The following GRID2 variants were observed in gnomAD, a reference collection of about 807,000 sequenced individuals.
The protein encoded by GRID2 is glutamate receptor ionotropic, delta-2.
GRID2 carries 33 observed loss-of-function variants against 114.8 expected under a neutral mutation model. That is an observed-to-expected ratio of 0.29 (90% CI 0.22 to 0.38). The LOEUF is 0.38. Ranked by LOEUF, GRID2 falls within the 10% of genes least tolerant of loss-of-function variation. The probability of loss-of-function intolerance (pLI) is 1.00; values close to 1 mark genes in which losing one functional copy is unlikely to be tolerated. For synonymous variants in GRID2, 505 were observed against 449.9 expected (o/e 1.12, Z -1.55); for missense variants, 1,184 against 1,257.7 (o/e 0.94, Z 0.89).
chr4:92,710,560 C>T (rs570450894), intron 2 of GRID2, among the ~76,000 whole-genome samples: 112 of 152,262 alleles, frequency 7.4e-4, no homozygotes, highest in African/African-American at 2.5e-3. Context: ...GTCCTGGTGA[C>T]GACTACACTT....
intron 13 of GRID2, among the ~76,000 whole-genome samples, chr4:93,594,783 A>G (rs1738875430): frequency 6.6e-6 from 1 of 151,930 alleles, no homozygotes; most frequent in Non-Finnish European, 1.5e-5. Flanking sequence ...CCGTCGGAAA[A>G]GCGCAGTATT....
intron 13 of GRID2, among the ~76,000 whole-genome samples, chr4:93,524,823 G>GTATATATATA (rs1300787035): frequency 1.2e-4 from 7 of 59,908 alleles, no homozygotes; most frequent in Non-Finnish European, 1.8e-4. Flanking sequence ...ATGTATGTAT[G>GTATATATATA]TATATATATA....
chr4:93,127,436 CTAAT>C (rs1157873482), intron 4 of GRID2, among the ~76,000 whole-genome samples: 1 of 152,106 alleles, frequency 6.6e-6, no homozygotes, highest in African/African-American at 2.4e-5. Flanking sequence ...AGAAGCATAA[CTAAT>C]TGACAGCAAG....
Position 93,422,297 on chromosome 4 carries a change from ATAT to A in GRID2, c.1348-468_1348-466del, listed in dbSNP as rs1256341625. On this transcript the variant is annotated intron_variant, in intron 9 of 15. Transcript: ENST00000282020. ...TAGTGAATAACTCCCAGTAAATGCG[ATAT>A]TATTAATTTCAGCTAAATTATATGT... Among the ~76,000 whole-genome samples, 9 of 152,126 alleles carry A rather than the reference ATAT, an allele frequency of 5.9e-5. No homozygotes were observed. The South Asian group carries it at 1.0e-3, about 17-fold the overall frequency.
intron 1 of GRID2, among the ~76,000 whole-genome samples, chr4:92,401,593 CTATACTGTATGTCTACAA>C (rs1201013822): frequency 6.6e-6 from 1 of 152,148 alleles, no homozygotes; most frequent in African/African-American, 2.4e-5. Context: ...TATGTCTACA[CTATACTGTATGTCTACAA>C]TATACTGTAG....
intron 14 of GRID2, among the ~76,000 whole-genome samples, chr4:93,645,270 G>T (rs1722006294): frequency 6.6e-6 from 1 of 152,152 alleles, no homozygotes; most frequent in African/African-American, 2.4e-5. Context: ...TAACAAAAGA[G>T]AAGCCAGAAG....
At chr4:93,111,015 C>A in intron 4 of GRID2, 62 bp downstream of exon 4, 1 of 1,012,716 alleles carries the variant, frequency 9.9e-7, no homozygotes, top group Non-Finnish European at 1.5e-6. Context: ...TGGAATAGAC[C>A]CTACAGAGGA....
rs1375909572 is a variant in GRID2, at chr4:92,328,074, T to TTCATTTGAA, written c.88+23330_88+23331insTCATTTGAA. ...TGCTCATTCATTTGAAAAGGGGCTA[T>TTCATTTGAA]ATAAGATAGAGACAGGGAGAAATGT... On this transcript the variant is annotated intron_variant, in intron 1 of 15. Transcript: ENST00000282020. Among the ~76,000 whole-genome samples, 93 of 152,188 alleles carry TTCATTTGAA rather than the reference T, an allele frequency of 6.1e-4. No individual in the cohort carries two copies. In the Middle Eastern group the frequency reaches 0.01, roughly 17 times the overall value.
At chr4:92,348,491 T>C (rs1303455099) in intron 1 of GRID2, among the ~76,000 whole-genome samples, 1 of 152,170 alleles carries the variant, frequency 6.6e-6, no homozygotes, top group Non-Finnish European at 1.5e-5. Context: ...CTGAGGCATG[T>C]TTGAATTTAT....
chr4:92,873,631 C>T (rs529236558), intron 2 of GRID2, among the ~76,000 whole-genome samples: 1 of 152,164 alleles, frequency 6.6e-6, no homozygotes, highest in South Asian at 2.1e-4. Flanking sequence ...GATTTCCTAT[C>T]CATAAAAGAG....
chr4:92,699,085 A>C (rs1044897984), intron 2 of GRID2, among the ~76,000 whole-genome samples: 2 of 152,116 alleles, frequency 1.3e-5, no homozygotes, highest in African/African-American at 4.8e-5. Context: ...AAGAAAAAAA[A>C]CAGTAATTTC....
chr4:93,789,378 T>C (rs1280866539), intron 1 of GRID2, among the ~76,000 whole-genome samples: 1 of 152,214 alleles, frequency 6.6e-6, no homozygotes, highest in African/African-American at 2.4e-5. Flanking sequence ...CAGTTACTAA[T>C]TAGGTGTTTT....
intron 1 of GRID2, among the ~76,000 whole-genome samples, chr4:92,420,546 AT>A (rs1731852784): frequency 6.6e-6 from 1 of 152,118 alleles, no homozygotes; most frequent in Non-Finnish European, 1.5e-5. Context: ...TTCATATTTG[AT>A]TTGTCTTCTC....
chr4:93,588,266 A>G (rs542919442), intron 13 of GRID2, among the ~76,000 whole-genome samples: 2 of 152,142 alleles, frequency 1.3e-5, no homozygotes, highest in Non-Finnish European at 2.9e-5. Flanking sequence ...TTTTAAATGA[A>G]TAAGCTAAAG....
At chr4:92,482,553 A>G (rs1253361282) in intron 1 of GRID2, among the ~76,000 whole-genome samples, 1 of 152,184 alleles carries the variant, frequency 6.6e-6, no homozygotes. Context: ...ATTTGACTCC[A>G]TTTAGTTATG....
chr4:92,796,468 G>A (rs1183763061), intron 2 of GRID2, among the ~76,000 whole-genome samples: 1 of 151,896 alleles, frequency 6.6e-6, no homozygotes, highest in Non-Finnish European at 1.5e-5. Flanking sequence ...AAGGCTTGGG[G>A]ATTAGTAGCT....
chr4:92,975,043 GC>G (rs2149177708), intron 2 of GRID2, among the ~76,000 whole-genome samples: 1 of 151,482 alleles, frequency 6.6e-6, no homozygotes, highest in East Asian at 2.0e-4. Flanking sequence ...TGCAGTCCCA[GC>G]TCCTAGGGAG....
Position 93,089,050 on chromosome 4 carries a change from T to C in GRID2, c.529+3771T>C, listed in dbSNP as rs932347776. Among the ~76,000 whole-genome samples the C allele has an allele frequency of 1.2e-4, 19 of 152,114 alleles. 1 individual carries two copies. Among genetic ancestry groups the C allele is most frequent in the Non-Finnish European group, 2.8e-4 (19 of 68,016 alleles). ...TCATAATAGCCCTTTGTAGTAGTTA[T>C]TATTTTATTATTATTATTTTTACAA... is the stretch of plus-strand genomic sequence containing the variant. On this transcript the variant is annotated intron_variant, in intron 3 of 15. Coordinates refer to ENST00000282020, the MANE Select transcript of GRID2 (RefSeq NM_001510.4).
At chr4:92,819,710 C>A (rs1483691910) in intron 2 of GRID2, among the ~76,000 whole-genome samples, 2 of 152,104 alleles carry the variant, frequency 1.3e-5, no homozygotes, top group Non-Finnish European at 2.9e-5. Context: ...ATTACTACGA[C>A]AGCATAGGTG....
Sources: allele counts gnomAD v4.1 joint callset (sites outside exome capture counted in the v4.1 genomes callset), GRCh38; gene constraint gnomAD v4.1.1; transcripts MANE v1.5; gene names NCBI Gene and HGNC (gene_info 2026-07-23, HGNC 2026-07-21).